PKP4: variants seen among roughly 807,000 people sequenced by gnomAD.
PKP4 encodes plakophilin 4.
PKP4 carries 90 observed loss-of-function variants against 145.1 expected under a neutral mutation model. The observed-to-expected ratio is 0.62, with a 90% CI of 0.52 to 0.74. PKP4 has a LOEUF of 0.74. PKP4 is among the 30% of genes least tolerant of loss of function. PKP4 has a pLI of 0.00. For synonymous variants in PKP4, 563 were observed against 577.2 expected (o/e 0.98, Z 0.35); for missense variants, 1,340 against 1,482.7 (o/e 0.90, Z 1.58).
At position 158,473,752 on chromosome 2, in the gene PKP4, G is replaced by A. The variant is rs138351390; in HGVS notation, c.-6+16534G>A. The stretch of plus-strand genomic sequence containing the variant: ...AATAATATGTACAACATACCCCAGC[G>A]ATATAAGTTTACCTACATAACCTTC... On this transcript the variant is annotated intron_variant, in intron 1 of 21. Transcript: ENST00000389759. Among the ~76,000 whole-genome samples, 1,337 of 152,194 alleles carry A rather than the reference G, an allele frequency of 8.8e-3. 19 individuals carry two copies. The highest frequency in any genetic ancestry group is 0.03 in the African/African-American group (1,227 of 41,520).
intron 1 of PKP4, among the ~76,000 whole-genome samples, chr2:158,520,677 A>G (rs2042294863): frequency 6.6e-6 from 1 of 152,230 alleles, no homozygotes; most frequent in Non-Finnish European, 1.5e-5. Flanking sequence ...GCACTTTAGA[A>G]GTTCTTCATG....
rs547183762 is a variant in PKP4 at position 158,520,985 on chromosome 2, G to A, written c.-5-12195G>A. Reference sequence around the variant, plus strand: ...TTACATTGTATTTATCCATTCTTCTGTTAATAGTCACTTGAGTTGTTAGCA... The same window carrying A: ...TTACATTGTATTTATCCATTCTTCTATTAATAGTCACTTGAGTTGTTAGCA... On this transcript the variant is annotated intron_variant, in intron 1 of 21. Transcript: ENST00000389759. Among the ~76,000 whole-genome samples, 3 of 152,292 alleles carry A rather than the reference G, an allele frequency of 2.0e-5. No individual in the cohort carries two copies. In the East Asian group the frequency reaches 5.8e-4, roughly 29 times the overall value.
At chr2:158,675,217 C>T (rs2057900404) in intron 19 of PKP4, among the ~76,000 whole-genome samples, 1 of 152,158 alleles carries the variant, frequency 6.6e-6, no homozygotes, top group African/African-American at 2.4e-5. Flanking sequence ...TTAGTACGAG[C>T]TTGTCCAATC....
chr2:158,478,584 G>C (rs898304884), intron 1 of PKP4, among the ~76,000 whole-genome samples: 1 of 152,206 alleles, frequency 6.6e-6, no homozygotes, highest in Non-Finnish European at 1.5e-5. Flanking sequence ...GATCGCCTAA[G>C]TTATCAGTGA....
intron 2 of PKP4, 60 bp downstream of exon 2, chr2:158,533,376 T>C: frequency 2.5e-6 from 4 of 1,578,502 alleles, no homozygotes; most frequent in Non-Finnish European, 3.5e-6. Flanking sequence ...AAAAAATTAA[T>C]CTTTGGATAT....
chr2:158,669,481 A>G (rs991675098), intron 16 of PKP4: 4 of 345,412 alleles, frequency 1.2e-5, no homozygotes, highest in Non-Finnish European at 2.1e-5. Context: ...GCTTTCAGCA[A>G]TTGACAGTAA....
chr2:158,470,404 C>T (rs1378154591), intron 1 of PKP4, among the ~76,000 whole-genome samples: 1 of 152,116 alleles, frequency 6.6e-6, no homozygotes, highest in Non-Finnish European at 1.5e-5. Flanking sequence ...TGTTCTCTGT[C>T]TCCCTCCACT....
chr2:158,631,175 C>T (rs1022208913), intron 7 of PKP4, among the ~76,000 whole-genome samples: 2 of 152,022 alleles, frequency 1.3e-5, no homozygotes, highest in African/African-American at 2.4e-5. Flanking sequence ...CTCCTGACCT[C>T]GTGATCCACC....
intron 1 of PKP4, among the ~76,000 whole-genome samples, chr2:158,514,504 G>C (rs1357039348): frequency 6.6e-6 from 1 of 152,216 alleles, no homozygotes; most frequent in Non-Finnish European, 1.5e-5. Context: ...GAGACTGAGA[G>C]ATAACCATCA....
At chr2:158,620,902 A>AGAT in intron 4 of PKP4, 88 bp from the exon 5 acceptor site, 1 of 1,107,514 alleles carries the variant, frequency 9.0e-7, no homozygotes, top group Non-Finnish European at 1.4e-6. Flanking sequence ...ATAGATTCTA[A>AGAT]GATGCTGTTG....
intron 1 of PKP4, among the ~76,000 whole-genome samples, chr2:158,530,982 A>G (rs757936932): frequency 1.3e-5 from 2 of 152,012 alleles, no homozygotes; most frequent in Admixed American, 1.3e-4. Context: ...ATCTTGCCGT[A>G]CTCTGCCTTG....
chr2:158,673,036 T>TA (rs1001994082), intron 17 of PKP4, among the ~76,000 whole-genome samples: 1 of 152,190 alleles, frequency 6.6e-6, no homozygotes, highest in Non-Finnish European at 1.5e-5. Context: ...CCTCTTCAGT[T>TA]ACTGGTGAGG....
At chr2:158,667,622 G>C (rs147735146) in intron 16 of PKP4, among the ~76,000 whole-genome samples, 1 of 152,216 alleles carries the variant, frequency 6.6e-6, no homozygotes, top group Non-Finnish European at 1.5e-5. Flanking sequence ...AGGATTAAAC[G>C]TGATGACTTA....
chr2:158,564,664 G>T (rs759325410), intron 2 of PKP4, among the ~76,000 whole-genome samples: 1 of 152,046 alleles, frequency 6.6e-6, no homozygotes, highest in Non-Finnish European at 1.5e-5. Context: ...GCTGTTAACC[G>T]CTTTTTTAAA....
At chr2:158,475,736 C>A (rs1446132963) in intron 1 of PKP4, among the ~76,000 whole-genome samples, 1 of 152,042 alleles carries the variant, frequency 6.6e-6, no homozygotes, top group Non-Finnish European at 1.5e-5. Context: ...GGAAGTAAGA[C>A]CCATTTGTTC....
chr2:158,608,529 C>T (rs1306195151), intron 4 of PKP4, among the ~76,000 whole-genome samples: 1 of 152,114 alleles, frequency 6.6e-6, no homozygotes, highest in Non-Finnish European at 1.5e-5. Context: ...AGAGCACACT[C>T]TTGCCTAAAA....
intron 3 of PKP4, among the ~76,000 whole-genome samples, chr2:158,589,326 C>A (rs6705255): frequency 6.6e-6 from 1 of 152,058 alleles, no homozygotes; most frequent in African/African-American, 2.4e-5. Context: ...ACATTTTCCC[C>A]TAAAGATAGT....
chr2:158,468,787 T>TTA (rs1462928912), intron 1 of PKP4, among the ~76,000 whole-genome samples: 28 of 148,498 alleles, frequency 1.9e-4, no homozygotes, highest in African/African-American at 6.9e-4. Flanking sequence ...TTTTTTTTTT[T>TTA]TTGAGACAGG....
At chr2:158,632,017 C>A in intron 8 of PKP4, 76 bp downstream of exon 8, 1 of 1,344,094 alleles carries the variant, frequency 7.4e-7, no homozygotes, top group Non-Finnish European at 1.1e-6. Flanking sequence ...AGATTGGGTT[C>A]CCTGTTAGAA....
Sources: allele counts gnomAD v4.1 joint callset (sites outside exome capture counted in the v4.1 genomes callset), GRCh38; gene constraint gnomAD v4.1.1; transcripts MANE v1.5; gene names NCBI Gene and HGNC (gene_info 2026-07-23, HGNC 2026-07-21).